The following SLC4A1AP variants were observed in gnomAD, a reference collection of about 807,000 sequenced individuals.
SLC4A1AP encodes the protein solute carrier family 4 member 1 adaptor protein.
In SLC4A1AP, 64 loss-of-function variants were observed where a neutral mutation model predicts 89.7. The observed-to-expected ratio is 0.71, with a 90% CI of 0.58 to 0.88. The LOEUF is 0.88. SLC4A1AP is among the 40% of genes least tolerant of loss of function. The probability of loss-of-function intolerance (pLI) is 0.00; values close to 1 mark genes in which losing one functional copy is unlikely to be tolerated. For missense variants in SLC4A1AP, 931 were observed against 965.0 expected (o/e 0.96, Z 0.47); for synonymous variants, 366 against 353.3 (o/e 1.04, Z -0.40).
chr2:27,665,358 A>G (rs905278206), intron 2 of SLC4A1AP, 63 bp downstream of exon 2: 2 of 1,400,532 alleles, frequency 1.4e-6, no homozygotes, highest in Non-Finnish European at 1.9e-6. Flanking sequence ...GGTACCCTTA[A>G]ATGTTTTTTT....
chr2:27,678,954 G>A (rs903785762), intron 8 of SLC4A1AP, among the ~76,000 whole-genome samples: 1 of 152,030 alleles, frequency 6.6e-6, no homozygotes, highest in Non-Finnish European at 1.5e-5. Flanking sequence ...CTGGCCTCAA[G>A]GTATCTGCCC....
At position 27,664,116 on chromosome 2, in the gene SLC4A1AP, C is replaced by T; in HGVS notation, c.364C>T (p.Gln122Ter). 1 of 1,614,220 alleles carries T rather than the reference C, an allele frequency of 6.2e-7. No homozygotes were observed. Among genetic ancestry groups the T allele is most frequent in the African/African-American group, 1.3e-5 (1 of 75,064 alleles). The change falls in exon 1 of 14, where the codon CAG becomes TAG. Residue 122 changes from glutamine to a stop codon, truncating the protein, a stop_gained. Transcript: ENST00000613058. LOFTEE classifies it high-confidence loss of function. ...TGGGGAGCCCGACATCCCTCCTCCT[C>T]AGCCGGACTGCGGTGATTTTAGGAG...
intron 5 of SLC4A1AP, among the ~76,000 whole-genome samples, chr2:27,673,438 C>T (rs77846105): frequency 2.8e-4 from 13 of 46,264 alleles, no homozygotes; most frequent in East Asian, 1.0e-3. Flanking sequence ...CTCCCTCCCT[C>T]CCTCCCTTCC....
chr2:27,673,435 C>T (rs1386114341), intron 5 of SLC4A1AP, among the ~76,000 whole-genome samples: 2 of 106,724 alleles, frequency 1.9e-5, no homozygotes, highest in African/African-American at 3.5e-5. Context: ...TCCCTCCCTC[C>T]CTCCCTCCCT....
rs1250398647 is a variant in SLC4A1AP at position 27,691,331 on chromosome 2, TAG to T, written c.2272-2351_2272-2350del. 3.9e-5 allele frequency among the ~76,000 whole-genome samples: 6 copies of T among 152,258 alleles called. No individual in the cohort carries two copies. The East Asian group carries it at 1.2e-3, about 29-fold the overall frequency. On this transcript the variant is annotated intron_variant, in intron 12 of 13. Transcript: ENST00000613058. Reference sequence around the variant, plus strand: ...TACTAGATGTTCTAGTTTGTGTGCATAGAGGTGTTCATAGTAGTCTCAAAGGA... The same window carrying T: ...TACTAGATGTTCTAGTTTGTGTGCATAGGTGTTCATAGTAGTCTCAAAGGA...
intron 8 of SLC4A1AP, among the ~76,000 whole-genome samples, chr2:27,681,984 G>A (rs1478521141): frequency 6.6e-6 from 1 of 152,156 alleles, no homozygotes; most frequent in Non-Finnish European, 1.5e-5. Flanking sequence ...GTCATTTCAT[G>A]GGTGTGAAGT....
intron 8 of SLC4A1AP, 21 bp downstream of exon 8, chr2:27,677,945 G>A (rs747335701): frequency 6.7e-7 from 1 of 1,503,706 alleles, no homozygotes; most frequent in Non-Finnish European, 9.1e-7. Context: ...GTTATATTTG[G>A]AATTCTAAAT....
At chr2:27,668,753 T>C in intron 3 of SLC4A1AP, 90 bp from the exon 4 acceptor site, 1 of 1,223,720 alleles carries the variant, frequency 8.2e-7, no homozygotes, top group Admixed American at 1.7e-5. Context: ...AGGAACTTGT[T>C]CGTATTTAAC....
At chr2:27,688,673 A>G in intron 11 of SLC4A1AP, 27 bp from the exon 12 acceptor site, 1 of 1,514,066 alleles carries the variant, frequency 6.6e-7, no homozygotes, top group Non-Finnish European at 9.0e-7. Context: ...GAAAATAGCT[A>G]TTGCCAGTTT....
chr2:27,679,101 C>T (rs1353285986), intron 8 of SLC4A1AP, among the ~76,000 whole-genome samples: 1 of 152,106 alleles, frequency 6.6e-6, no homozygotes, highest in Non-Finnish European at 1.5e-5. Flanking sequence ...AAGGCACTTT[C>T]TTATATTGTC....
At chr2:27,673,326 T>C (rs994231761) in intron 5 of SLC4A1AP, among the ~76,000 whole-genome samples, 3 of 3,564 alleles carry the variant, frequency 8.4e-4, no homozygotes, top group Non-Finnish European at 2.1e-3. Flanking sequence ...CTCTCTCTCT[T>C]TCTTTTCTTT....
At chr2:27,670,017 C>G (rs1675396263) in intron 5 of SLC4A1AP, among the ~76,000 whole-genome samples, 1 of 152,216 alleles carries the variant, frequency 6.6e-6, no homozygotes, top group African/African-American at 2.4e-5. Context: ...GCATGCACCA[C>G]CATGCCTGGC....
rs138567441 is a variant in SLC4A1AP at position 27,663,911 on chromosome 2, G to C, written c.159G>C (p.Leu53Phe). 9.5e-5 allele frequency: 154 copies of C among 1,614,186 alleles called. No individual in the cohort carries two copies. In the African/African-American group the frequency reaches 1.7e-3, roughly 18 times the overall value. The change falls in exon 1 of 14, where the codon TTG becomes TTC. Residue 53 changes from leucine (L) to phenylalanine (F), a missense_variant. Leu to Phe is a conservative substitution (Grantham distance 22). Transcript: ENST00000613058. Reference sequence around the variant, plus strand: ...AGCGGATTTCGAAGTTGCACCGGTTGAGGATGGCTGACATTCTCTCTCAGT... The same window carrying C: ...AGCGGATTTCGAAGTTGCACCGGTTCAGGATGGCTGACATTCTCTCTCAGT...
At chr2:27,675,306 TTAGG>T (rs1185369277) in intron 5 of SLC4A1AP, among the ~76,000 whole-genome samples, 1 of 152,210 alleles carries the variant, frequency 6.6e-6, no homozygotes, top group Non-Finnish European at 1.5e-5. Flanking sequence ...TTTGACTACT[TTAGG>T]TATCTCACAT....
At chr2:27,686,476 T>C (rs1424507138) in intron 10 of SLC4A1AP, among the ~76,000 whole-genome samples, 2 of 152,152 alleles carry the variant, frequency 1.3e-5, no homozygotes, top group Non-Finnish European at 2.9e-5. Flanking sequence ...AAATAATTAG[T>C]AAATTTGGCC....
chr2:27,665,435 CA>C, intron 2 of SLC4A1AP, 140 bp downstream of exon 2: 1 of 587,606 alleles, frequency 1.7e-6, no homozygotes, highest in South Asian at 3.5e-5. Flanking sequence ...ATGAGGTAAC[CA>C]AAACCCAGAG....
chr2:27,675,319 A>G (rs997363929), intron 5 of SLC4A1AP, among the ~76,000 whole-genome samples: 13 of 152,204 alleles, frequency 8.5e-5, no homozygotes, highest in Non-Finnish European at 4.4e-5. Flanking sequence ...GGTATCTCAC[A>G]TGATGCAGTA....
Position 27,693,680 on chromosome 2 carries a change from T to C in SLC4A1AP, c.2272-5T>C, listed in dbSNP as rs758409681. Reference sequence around the variant, plus strand: ...TGAATAAAACAATCCATCTTTTCTTTTTAGCTTCCACCAACACTTTCTTCC... The same window carrying C: ...TGAATAAAACAATCCATCTTTTCTTCTTAGCTTCCACCAACACTTTCTTCC... On this transcript the variant is annotated splice_polypyrimidine_tract_variant and splice_region_variant and intron_variant, in intron 12 of 13. Transcript: ENST00000613058. The C allele has an allele frequency of 6.3e-7, 1 of 1,592,472 alleles. No individual in the cohort carries two copies. Among genetic ancestry groups the C allele is most frequent in the South Asian group, 1.1e-5 (1 of 88,454 alleles).
chr2:27,684,948 C>G (rs1675680573), intron 9 of SLC4A1AP, 89 bp from the exon 10 acceptor site: 1 of 1,424,244 alleles, frequency 7.0e-7, no homozygotes, highest in South Asian at 1.4e-5. Flanking sequence ...AGTAAACATT[C>G]AGTACATTTA....
Sources: gnomAD v4.1 joint callset for allele counts (sites outside exome capture counted in the v4.1 genomes callset) on GRCh38, gnomAD v4.1.1 for gene constraint, MANE v1.5 for transcripts, NCBI Gene and HGNC (gene_info 2026-07-23, HGNC 2026-07-21) for gene names.